GOLIM4: variants seen among roughly 807,000 people sequenced by gnomAD.
GOLIM4 encodes the protein golgi integral membrane protein 4, also known as 130 kDa golgi-localized phosphoprotein.
GOLIM4 carries 71 observed loss-of-function variants against 107.4 expected under a neutral mutation model. The observed-to-expected ratio is 0.66, with a 90% CI of 0.55 to 0.81. GOLIM4 has a LOEUF of 0.81. GOLIM4 is among the 30% of genes least tolerant of loss of function. GOLIM4 has a pLI of 0.00. For missense variants in GOLIM4, 830 were observed against 826.1 expected (o/e 1.00, Z -0.06); for synonymous variants, 327 against 294.8 (o/e 1.11, Z -1.12).
At chr3:168,033,286 T>G (rs1455322540) in intron 8 of GOLIM4, among the ~76,000 whole-genome samples, 1 of 152,162 alleles carries the variant, frequency 6.6e-6, no homozygotes, top group Non-Finnish European at 1.5e-5. Flanking sequence ...GTTTAGTTTT[T>G]ACTAGTTTGG....
intron 8 of GOLIM4, among the ~76,000 whole-genome samples, chr3:168,033,555 C>CGAGATTG (rs1409388326): frequency 2.5e-5 from 3 of 119,032 alleles, no homozygotes; most frequent in Non-Finnish European, 1.6e-5. Context: ...TGCAGTGAGC[C>CGAGATTG]GAGATTGCGC....
rs140921482 is a variant in GOLIM4 at position 168,081,535 on chromosome 3, T to C, written c.187+13564A>G. Among the ~76,000 whole-genome samples the C allele has an allele frequency of 6.5e-4, 99 of 152,290 alleles. No individual in the cohort carries two copies. The East Asian group carries it at 0.014, about 21-fold the overall frequency. On this transcript the variant is annotated intron_variant, in intron 1 of 15. Transcript: ENST00000470487. Reference sequence around the variant, plus strand: ...AGTTTTGTAAGTCCTGTTAAACCTATGTTTAGCTCCAGGATAAGGAAGCCT... The same window carrying C: ...AGTTTTGTAAGTCCTGTTAAACCTACGTTTAGCTCCAGGATAAGGAAGCCT...
At chr3:168,047,739 T>C (rs1263801716) in intron 2 of GOLIM4, among the ~76,000 whole-genome samples, 2 of 152,228 alleles carry the variant, frequency 1.3e-5, no homozygotes, top group East Asian at 3.8e-4. Context: ...CTGATAAAAA[T>C]TGACAGCATT....
At chr3:168,016,079 C>T (rs1463364081) in intron 14 of GOLIM4, among the ~76,000 whole-genome samples, 1 of 124,932 alleles carries the variant, frequency 8.0e-6, no homozygotes, top group Non-Finnish European at 1.5e-5. Flanking sequence ...CACAGCAAAA[C>T]AAACTACCAT....
chr3:168,026,254 CTT>C (rs1717991204), intron 12 of GOLIM4, among the ~76,000 whole-genome samples: 2 of 152,062 alleles, frequency 1.3e-5, no homozygotes, highest in Non-Finnish European at 2.9e-5. Flanking sequence ...TCCACAATCT[CTT>C]GTCATATGGA....
chr3:168,050,869 T>TAATAAA (rs1553800163), intron 1 of GOLIM4, among the ~76,000 whole-genome samples: 14 of 142,744 alleles, frequency 9.8e-5, no homozygotes, highest in African/African-American at 2.9e-4. Context: ...ATAATAATAA[T>TAATAAA]AAAACCTAGC....
At chr3:168,012,319 C>T (rs140295315) in intron 14 of GOLIM4, among the ~76,000 whole-genome samples, 10,636 of 120,732 alleles carry the variant, frequency 0.088, 1,838 homozygotes, top group African/African-American at 0.42. Context: ...TGAAATGAAG[C>T]GAGAAGAGAA....
chr3:168,029,198 T>C (rs1186800943), intron 11 of GOLIM4, 25 bp downstream of exon 11: 2 of 1,413,384 alleles, frequency 1.4e-6, no homozygotes, highest in East Asian at 2.3e-5. Flanking sequence ...TATTAAAACA[T>C]TCATCATCTA....
intron 1 of GOLIM4, among the ~76,000 whole-genome samples, chr3:168,090,365 A>G (rs1721848396): frequency 6.6e-6 from 1 of 152,232 alleles, no homozygotes; most frequent in South Asian, 2.1e-4. Context: ...AGAGGACATG[A>G]AAAGACATTT....
chr3:168,058,220 G>A (rs1262828013), intron 1 of GOLIM4, among the ~76,000 whole-genome samples: 2 of 152,198 alleles, frequency 1.3e-5, no homozygotes, highest in Non-Finnish European at 2.9e-5. Context: ...AATGCATACG[G>A]TTTGTAAAGT....
chr3:168,090,589 A>G lies in GOLIM4; in HGVS notation c.187+4510T>C, dbSNP rs139880025. Reference sequence around the variant, plus strand: ...GTTGGTAGGAATGTAAACTAGCACAACCTTTCTGGAAAACAGTATCAGGAT... The same window carrying G: ...GTTGGTAGGAATGTAAACTAGCACAGCCTTTCTGGAAAACAGTATCAGGAT... On this transcript the variant is annotated intron_variant, in intron 1 of 15. Transcript: ENST00000470487. 4.6e-3 allele frequency among the ~76,000 whole-genome samples: 702 copies of G among 152,326 alleles called. 6 individuals are homozygous for G. Among genetic ancestry groups the G allele is most frequent in the African/African-American group, 8.7e-3 (361 of 41,564 alleles).
chr3:168,016,913 G>A (rs1560068045), intron 14 of GOLIM4, among the ~76,000 whole-genome samples: 3 of 138,434 alleles, frequency 2.2e-5, no homozygotes, highest in Admixed American at 6.9e-5. Flanking sequence ...GAGGGGCGAG[G>A]GATAGCATTG....
chr3:168,013,773 C>T (rs1231011302), intron 14 of GOLIM4, among the ~76,000 whole-genome samples: 11 of 150,774 alleles, frequency 7.3e-5, no homozygotes, highest in African/African-American at 2.7e-4. Context: ...ACTGAACAAC[C>T]TGCTCCTGAA....
intron 1 of GOLIM4, among the ~76,000 whole-genome samples, chr3:168,073,616 G>T (rs73174998): frequency 0.046 from 6,957 of 152,158 alleles, 189 homozygotes; most frequent in Non-Finnish European, 0.067. Context: ...AATAAACAAG[G>T]AAATACAAAA....
chr3:168,027,591 T>C (rs1041737786), intron 12 of GOLIM4, 137 bp downstream of exon 12: 3 of 654,166 alleles, frequency 4.6e-6, no homozygotes, highest in African/African-American at 1.8e-5. Flanking sequence ...CATATATAAT[T>C]ATGCAAGCCA....
intron 1 of GOLIM4, among the ~76,000 whole-genome samples, chr3:168,068,871 T>C (rs1720691734): frequency 6.6e-6 from 1 of 151,770 alleles, no homozygotes; most frequent in Middle Eastern, 3.4e-3. Context: ...AGTTTCACTC[T>C]TGTTGCCCAG....
chr3:168,059,091 T>C (rs768732220), intron 1 of GOLIM4, among the ~76,000 whole-genome samples: 1 of 152,174 alleles, frequency 6.6e-6, no homozygotes, highest in Non-Finnish European at 1.5e-5. Context: ...GCTCTTAAAA[T>C]GCAACTATGA....
intron 1 of GOLIM4, among the ~76,000 whole-genome samples, chr3:168,053,313 C>G (rs1356736544): frequency 2.6e-5 from 4 of 152,168 alleles, no homozygotes; most frequent in African/African-American, 9.7e-5. Context: ...ACATCTTAAA[C>G]CAAGAGAGGG....
intron 1 of GOLIM4, among the ~76,000 whole-genome samples, chr3:168,066,751 G>A (rs1720567776): frequency 6.6e-6 from 1 of 151,982 alleles, no homozygotes; most frequent in Admixed American, 6.6e-5. Flanking sequence ...AAAATTACTA[G>A]TATCTATTCA....
Sources: gnomAD v4.1 joint callset for allele counts (sites outside exome capture counted in the v4.1 genomes callset) on GRCh38, gnomAD v4.1.1 for gene constraint, MANE v1.5 for transcripts, NCBI Gene and HGNC (gene_info 2026-07-23, HGNC 2026-07-21) for gene names.